CDKN2A: variants seen among roughly 807,000 people sequenced by gnomAD.
CDKN2A encodes cyclin dependent kinase inhibitor 2A, also known as cyclin-dependent kinase inhibitor 2A.
In CDKN2A, 3 loss-of-function variants were observed where a neutral mutation model predicts 11.1. That is an observed-to-expected ratio of 0.27 (90% confidence interval 0.12 to 0.70). The LOEUF is 0.70. Ranked by LOEUF, CDKN2A falls within the 30% of genes least tolerant of loss-of-function variation. CDKN2A has a pLI of 0.77. For synonymous variants in CDKN2A, 122 were observed against 108.1 expected (o/e 1.13, Z -0.80); for missense variants, 265 against 233.6 (o/e 1.13, Z -0.88).
Position 21,988,164 on chromosome 9 carries a change from A to C in CDKN2A, c.-4+5718T>G, listed in dbSNP as rs1820344575. On this transcript the variant is annotated intron_variant, in intron 2 of 3. Transcript: ENST00000494262. The surrounding 1 kb of genome is among the most constrained non-coding windows in gnomAD (Gnocchi z 4.1). ...GTTCATGTAATTCTGAACCTCTATA[A>C]AACTTTTCTCTCTTAAAAAAATCCT... Among the ~76,000 whole-genome samples, 1 of 151,982 alleles carries C rather than the reference A, an allele frequency of 6.6e-6. No homozygotes were observed. The highest frequency in any genetic ancestry group is 1.5e-5 in the Non-Finnish European group (1 of 68,016).
Position 21,972,446 on chromosome 9 carries a change from C to T in CDKN2A, c.151-1238G>A, listed in dbSNP as rs3731245. On this transcript the variant is annotated intron_variant, in intron 1 of 2. Coordinates refer to ENST00000304494, the MANE Select transcript of CDKN2A (RefSeq NM_000077.5). ...AAGATACAAGAATGGAAGCACAGGC[C>T]ACAGAGAAAATACAGAGACCATGAG... is the stretch of plus-strand genomic sequence containing the variant. 9.1e-3 allele frequency among the ~76,000 whole-genome samples: 1,389 copies of T among 152,042 alleles called. 103 individuals are homozygous for T. In the East Asian group the frequency reaches 0.19, roughly 20 times the overall value.
In CDKN2A at chr9:21,988,213, A is replaced by G. The variant is rs1183883878; in HGVS notation, c.-4+5669T>C. Among the ~76,000 whole-genome samples the G allele has an allele frequency of 2.0e-5, 3 of 152,204 alleles. No homozygotes were observed. Among genetic ancestry groups the G allele is most frequent in the African/African-American group, 7.2e-5 (3 of 41,446 alleles). On this transcript the variant is annotated intron_variant, in intron 2 of 3. Transcript: ENST00000494262. This position sits in a 1 kb window ranked among gnomAD's most constrained non-coding sequence, Gnocchi z 4.1. ...CTACTGCCTTCACAACCATTTAAAT[A>G]ATTTATGATATTTTATTTTGAAGGT...
At chr9:21,986,439 G>T (rs993132687) in intron 2 of CDKN2A, among the ~76,000 whole-genome samples, 1 of 151,910 alleles carries the variant, frequency 6.6e-6, no homozygotes, top group Admixed American at 6.6e-5. Flanking sequence ...GCCCAAAGGG[G>T]TTAAGCGACT....
chr9:21,976,147 G>A (rs1387091411), upstream of CDKN2A, among the ~76,000 whole-genome samples: 2 of 152,146 alleles, frequency 1.3e-5, no homozygotes, highest in Non-Finnish European at 2.9e-5. Flanking sequence ...GGGAAGCCGA[G>A]GCGGGCAGAT....
intron 2 of CDKN2A, chr9:21,969,633 A>T (rs1164770962): frequency 5.0e-6 from 2 of 396,102 alleles, no homozygotes; most frequent in Non-Finnish European, 8.9e-6. Flanking sequence ...GGCCCAATTC[A>T]GTAGTTTTAC....
In CDKN2A at chr9:21,994,162, T is replaced by C. The variant is rs774711850; in HGVS notation, c.-175-109A>G. 4 of 1,602,942 alleles carry C rather than the reference T, an allele frequency of 2.5e-6. No individual in the cohort carries two copies. In the East Asian group the frequency reaches 8.9e-5, roughly 36 times the overall value. ...ACCTGGTCTTCTAGGAAGCGGCTGC[T>C]GCCCTAGACGCTGGCTCCTCAGTAG... On this transcript the variant is annotated intron_variant, in intron 1 of 3. Transcript: ENST00000494262.
chr9:21,968,953 A>G lies in CDKN2A; in HGVS notation c.458-711T>C, dbSNP rs1487926664. Among the ~76,000 whole-genome samples, 1 of 152,130 alleles carries G rather than the reference A, an allele frequency of 6.6e-6. No individual in the cohort carries two copies. Among genetic ancestry groups the G allele is most frequent in the East Asian group, 1.9e-4 (1 of 5,200 alleles). On this transcript the variant is annotated intron_variant, in intron 2 of 2. Coordinates refer to ENST00000304494, the MANE Select transcript of CDKN2A (RefSeq NM_000077.5). This position sits in a 1 kb window ranked among gnomAD's most constrained non-coding sequence, Gnocchi z 4.7. ...CACTTGAAAGTCTCTTTTTACGTTT[A>G]TTCCTGAGGCAGCATTTGCACTTGA...
At position 21,974,594 on chromosome 9, in the gene CDKN2A, G is replaced by C; in HGVS notation, c.150+84C>G. 1.2e-6 allele frequency: 2 copies of C among 1,613,950 alleles called. No individual in the cohort carries two copies. The highest frequency in any genetic ancestry group is 8.5e-7 in the Non-Finnish European group (1 of 1,180,000). ...TCCCCTTTTTCCGGAGAATCGAAGC[G>C]CTACCTGATTCCAATTCCCCTGCAA... On this transcript the variant is annotated intron_variant, in intron 1 of 2. Transcript: ENST00000304494. The surrounding 1 kb of genome is among the most constrained non-coding windows in gnomAD (Gnocchi z 5.2).
chr9:21,985,867 A>G (rs1331488247), intron 2 of CDKN2A, among the ~76,000 whole-genome samples: 1 of 152,010 alleles, frequency 6.6e-6, no homozygotes, highest in African/African-American at 2.4e-5. Flanking sequence ...TTATTATGAT[A>G]TGTATATTTT....
chr9:21,994,496 C>T, intron 1 of CDKN2A: 2 of 1,434,072 alleles, frequency 1.4e-6, no homozygotes, highest in Admixed American at 2.6e-5. Context: ...TGAGCGCGCC[C>T]GCCCCCCACC....
chr9:21,971,280 C>T lies in CDKN2A; in HGVS notation c.151-72G>A, dbSNP rs1045478067. 11 of 1,544,630 alleles carry T rather than the reference C, an allele frequency of 7.1e-6. No individual in the cohort carries two copies. The African/African-American group carries it at 1.1e-4, about 15-fold the overall frequency. ...GACGGAAAGGAAGCTTGTGTAGAGCCCCCTCACCGCCAAGCAGACCCCCAC... is the reference window on the plus strand; with the variant it reads ...GACGGAAAGGAAGCTTGTGTAGAGCTCCCTCACCGCCAAGCAGACCCCCAC... On this transcript the variant is annotated intron_variant, in intron 1 of 2. Coordinates refer to ENST00000304494, the MANE Select transcript of CDKN2A (RefSeq NM_000077.5).
chr9:21,979,660 G>C (rs1563895800), upstream of CDKN2A, among the ~76,000 whole-genome samples: 1 of 152,204 alleles, frequency 6.6e-6, no homozygotes, highest in Non-Finnish European at 1.5e-5. Flanking sequence ...TGTTTGCAGA[G>C]TGAAAATAAG....
rs779174268 is a variant in CDKN2A, at chr9:21,974,646, T to C, written c.150+32A>G. On this transcript the variant is annotated intron_variant, in intron 1 of 2. Coordinates refer to ENST00000304494, the MANE Select transcript of CDKN2A (RefSeq NM_000077.5). This position sits in a 1 kb window ranked among gnomAD's most constrained non-coding sequence, Gnocchi z 5.2. ...CTTCGTCCTCCAGAGTCGCCCGCCA[T>C]CCCCTGCTCCCGCTGCAGACCCTCT... The C allele has an allele frequency of 6.2e-7, 1 of 1,614,130 alleles. No homozygotes were observed. Among genetic ancestry groups the C allele is most frequent in the South Asian group, 1.1e-5 (1 of 91,082 alleles).
Position 21,981,124 on chromosome 9 carries a change from GTATA to G in CDKN2A, c.-3-9920_-3-9917del, listed in dbSNP as rs768582645. Reference sequence around the variant, plus strand: ...TATACGTGTATATATATATATACGTGTATATATATATATACGTGTATATATATAT... The same window carrying G: ...TATACGTGTATATATATATATACGTGTATATATATACGTGTATATATATAT... On this transcript the variant is annotated intron_variant, in intron 2 of 3. Transcript: ENST00000494262. Among the ~76,000 whole-genome samples the G allele has an allele frequency of 1.7e-3, 4 of 2,414 alleles. 1 individual carries two copies. The highest frequency in any genetic ancestry group is 2.7e-3 in the African/African-American group (3 of 1,096). 1.6% of individuals were successfully genotyped at this position (2,414 alleles called of 152,430 possible). A position where few individuals can be genotyped will look rare whatever the true frequency, so the allele number is the denominator to read the frequency against.
upstream of CDKN2A, among the ~76,000 whole-genome samples, chr9:21,977,367 G>GT (rs961525453): frequency 6.6e-6 from 1 of 151,958 alleles, no homozygotes; most frequent in Non-Finnish European, 1.5e-5. Context: ...TGTTTTGTGT[G>GT]TTTTTTTGAG....
chr9:21,994,278 C>G lies in CDKN2A; in HGVS notation c.-175-225G>C. ...TGTGAACCACGAAAACCCTCACTCG[C>G]GGCGGGCCGCACGCGCGCCGAATCC... On this transcript the variant is annotated intron_variant, in intron 1 of 3. Coordinates refer to the CDKN2A transcript ENST00000494262. The G allele has an allele frequency of 6.2e-7, 1 of 1,604,010 alleles. No individual in the cohort carries two copies. The highest frequency in any genetic ancestry group is 8.5e-7 in the Non-Finnish European group (1 of 1,176,110).
chr9:21,987,289 A>G (rs1053172608), intron 2 of CDKN2A, among the ~76,000 whole-genome samples: 3 of 151,818 alleles, frequency 2.0e-5, no homozygotes, highest in African/African-American at 7.3e-5. Context: ...CATAAGTTAA[A>G]CCTGTGAAAC....
chr9:21,970,188 T>C (rs1480206775), intron 2 of CDKN2A: 1 of 242,686 alleles, frequency 4.1e-6, no homozygotes, highest in Non-Finnish European at 8.0e-6. Context: ...GGAGGATGCT[T>C]TGAGATCACA....
intron 1 of CDKN2A, among the ~76,000 whole-genome samples, chr9:21,973,561 C>T (rs1008553240): frequency 6.6e-6 from 1 of 151,956 alleles, no homozygotes. Flanking sequence ...TTTAGAGATG[C>T]TAAGTTACCC....
Sources: allele counts gnomAD v4.1 joint callset (sites outside exome capture counted in the v4.1 genomes callset), GRCh38; gene constraint gnomAD v4.1.1; non-coding constraint Gnocchi (gnomAD v3.1); transcripts MANE v1.5; gene names NCBI Gene and HGNC (gene_info 2026-07-23, HGNC 2026-07-21).